TESPA1: variants seen among roughly 807,000 people sequenced by gnomAD.
TESPA1 encodes thymocyte expressed, positive selection associated 1, also known as protein TESPA1.
TESPA1 carries 33 observed loss-of-function variants against 57.9 expected under a neutral mutation model. The observed-to-expected ratio is 0.57, with a 90% CI of 0.43 to 0.76. The LOEUF (loss-of-function observed/expected upper bound fraction) is 0.76. TESPA1 is among the 30% of genes least tolerant of loss of function. TESPA1 has a pLI of 0.00. For missense variants in TESPA1, 618 were observed against 632.9 expected, an observed-to-expected ratio of 0.98 and a Z score of 0.25; for synonymous variants, 227 against 228.9, an observed-to-expected ratio of 0.99 and a Z score of 0.07.
At chr12:54,973,455 C>A in intron 3 of TESPA1, 22 bp downstream of exon 3, 1 of 1,613,920 alleles carries the variant, frequency 6.2e-7, no homozygotes, top group African/African-American at 1.3e-5. Flanking sequence ...ACATACCACC[C>A]CATTGCCTGT....
At chr12:54,967,997 CA>C (rs768575359) in intron 3 of TESPA1, 105 bp from the exon 4 acceptor site, 5 of 1,566,626 alleles carry the variant, frequency 3.2e-6, no homozygotes, top group Non-Finnish European at 3.5e-6. Context: ...CAGTGAGAGT[CA>C]GTAGTATTTA....
At chr12:54,953,470 A>G (rs1455192619) in intron 10 of TESPA1, among the ~76,000 whole-genome samples, 5 of 150,948 alleles carry the variant, frequency 3.3e-5, no homozygotes, top group Non-Finnish European at 7.4e-5. Flanking sequence ...CTCCCTGTTC[A>G]ATGTTGGACA....
intron 10 of TESPA1, among the ~76,000 whole-genome samples, 164 bp from the exon 11 acceptor site, chr12:54,950,554 T>A (rs1950317830): frequency 6.6e-6 from 1 of 152,130 alleles, no homozygotes; most frequent in Non-Finnish European, 1.5e-5. Flanking sequence ...TGACTTGGGG[T>A]TTCTGCTCTT....
chr12:54,959,152 C>T (rs1249607884), intron 10 of TESPA1, among the ~76,000 whole-genome samples: 1 of 152,132 alleles, frequency 6.6e-6, no homozygotes, highest in East Asian at 1.9e-4. Context: ...GTTCCATGGT[C>T]TTATGGTTAG....
At chr12:54,964,788 T>A (rs1188628272) in intron 7 of TESPA1, among the ~76,000 whole-genome samples, 1 of 152,198 alleles carries the variant, frequency 6.6e-6, no homozygotes, top group African/African-American at 2.4e-5. Flanking sequence ...ATCTCCATGG[T>A]CCTAAGTTTC....
rs1360372494 is a variant in TESPA1, at chr12:54,949,508, A to T, written c.*884T>A. On this transcript the variant is annotated 3_prime_UTR_variant, in exon 11 of 11. Coordinates refer to ENST00000449076, the MANE Select transcript of TESPA1 (RefSeq NM_001136030.3). ...TTTTCTCAGGGGAGAAATGTGTCCA[A>T]GATGCTCTGAAACCACATACTGCCT... 6.6e-6 allele frequency: 1 copy of T among 152,126 alleles called. No individual in the cohort carries two copies. The highest frequency in any genetic ancestry group is 2.4e-5 in the African/African-American group (1 of 41,388). The allele number at this position is 152,126 out of a possible 1,614,324, so 9.4% of individuals were successfully genotyped here.
intron 1 of TESPA1, among the ~76,000 whole-genome samples, chr12:54,977,262 G>A (rs1402543818): frequency 6.6e-6 from 1 of 152,040 alleles, no homozygotes; most frequent in Non-Finnish European, 1.5e-5. Context: ...TTGTCTAAAC[G>A]AGTGAATGTT....
chr12:54,966,715 C>T (rs1951459515), intron 5 of TESPA1, among the ~76,000 whole-genome samples: 1 of 152,186 alleles, frequency 6.6e-6, no homozygotes, highest in African/African-American at 2.4e-5. Context: ...GTCATTTGGC[C>T]TTCCTGGCTA....
chr12:54,961,315 G>C, intron 9 of TESPA1, 48 bp from the exon 10 acceptor site: 1 of 1,608,686 alleles, frequency 6.2e-7, no homozygotes, highest in Non-Finnish European at 8.5e-7. Context: ...GGGGGAAAGG[G>C]GGTAAGGAAA....
In TESPA1 at chr12:54,976,912, C is replaced by T. The variant is rs111609907; in HGVS notation, c.-45-2305G>A. ...AAATACTTACCTCTTTTTTTAACCT[C>T]GGTTTTCTCAAATTCTTTCCCTCCT... On this transcript the variant is annotated intron_variant, in intron 1 of 10. Coordinates refer to ENST00000449076, the MANE Select transcript of TESPA1 (RefSeq NM_001136030.3). 4.9e-3 allele frequency among the ~76,000 whole-genome samples: 746 copies of T among 152,064 alleles called. 5 individuals are homozygous for T. The highest frequency in any genetic ancestry group is 0.011 in the African/African-American group (455 of 41,474).
rs1950229709 is a variant in TESPA1 at position 54,949,038 on chromosome 12, G to C, written c.*1354C>G. On this transcript the variant is annotated 3_prime_UTR_variant, in exon 11 of 11. Transcript: ENST00000449076. The stretch of plus-strand genomic sequence containing the variant: ...TGAAATGTTAACATCAAGGAAGATA[G>C]TTCCCCTGTCTCCTGGTTTCTGTGG... The C allele has an allele frequency of 6.6e-6, 1 of 152,194 alleles. No individual in the cohort carries two copies. Among genetic ancestry groups the C allele is most frequent in the African/African-American group, 2.4e-5 (1 of 41,440 alleles). 9.4% of individuals were successfully genotyped at this position (152,194 alleles called of 1,614,324 possible). A position where few individuals can be genotyped will look rare whatever the true frequency, so the allele number is the denominator to read the frequency against.
chr12:54,953,634 CA>C (rs1378479796), intron 10 of TESPA1, among the ~76,000 whole-genome samples: 5 of 151,086 alleles, frequency 3.3e-5, no homozygotes, highest in Non-Finnish European at 5.9e-5. Context: ...TCTCCTGCCT[CA>C]AGCCTCCCGA....
rs577830222 is a variant in TESPA1, at chr12:54,963,707, G to A, written c.655+35C>T. The A allele has an allele frequency of 7.5e-5, 119 of 1,586,726 alleles. 2 individuals are homozygous for A. In the South Asian group the frequency reaches 1.3e-3, roughly 17 times the overall value. ...CCTGCTGTGAAAATCTAAAGGAAAAGGGAAGTAGAGCAGGTGCCTGGGAGG... is the reference window on the plus strand; with the variant it reads ...CCTGCTGTGAAAATCTAAAGGAAAAAGGAAGTAGAGCAGGTGCCTGGGAGG... On this transcript the variant is annotated intron_variant, in intron 8 of 10. Transcript: ENST00000449076.
In TESPA1 at chr12:54,984,432, A is replaced by G. The variant is rs576466408; in HGVS notation, c.-46+153T>C. ...ATCGTTCTCCTAGGCATAATGATGG[A>G]TGCTTTTAAGGTTGAAGTAAGAGTG... On this transcript the variant is annotated intron_variant, in intron 1 of 10. Coordinates refer to ENST00000449076, the MANE Select transcript of TESPA1 (RefSeq NM_001136030.3). 2.6e-3 allele frequency among the ~76,000 whole-genome samples: 401 copies of G among 152,350 alleles called. 1 individual carries two copies. Among genetic ancestry groups the G allele is most frequent in the African/African-American group, 9.4e-3 (390 of 41,568 alleles).
At chr12:54,970,040 C>T (rs75952957) in intron 3 of TESPA1, among the ~76,000 whole-genome samples, 1 of 152,192 alleles carries the variant, frequency 6.6e-6, no homozygotes, top group Non-Finnish European at 1.5e-5. Context: ...GAGCCTCCTG[C>T]CTCAATCTCC....
rs573064059 is a variant in TESPA1, at chr12:54,956,469, A to T, written c.*1+4699T>A. ...GTGTGATAAAGGTCAAGTGGTTTAA[A>T]TGTCAACACAGGAAACCAATAGAAA... On this transcript the variant is annotated intron_variant, in intron 10 of 10. Transcript: ENST00000449076. 3.3e-5 allele frequency among the ~76,000 whole-genome samples: 5 copies of T among 152,352 alleles called. No individual in the cohort carries two copies. The East Asian group carries it at 9.7e-4, about 29-fold the overall frequency.
At chr12:54,980,613 G>GGGCTGGTCAT (rs1171623839) in intron 1 of TESPA1, among the ~76,000 whole-genome samples, 3 of 152,168 alleles carry the variant, frequency 2.0e-5, no homozygotes, top group Non-Finnish European at 2.9e-5. Context: ...TGGGATAGCT[G>GGGCTGGTCAT]GGCTGGTCAT....
chr12:54,962,496 C>A lies in TESPA1; in HGVS notation c.1402G>T (p.Val468Leu), dbSNP rs778697620. The stretch of plus-strand genomic sequence containing the variant: ...GACCGACGCAGTTCTGGTCTGTCTA[C>A]ACTCTGCTTCCATTTCTGCTGGGTG... ...SITQQKWKQS[V>L]DRPELRRSLS... The change falls in exon 9 of 11, where the codon GTA becomes TTA. Residue 468 changes from valine (V) to leucine (L), a missense_variant. By Grantham distance (32) the Val-to-Leu change is conservative. Coordinates refer to ENST00000449076, the MANE Select transcript of TESPA1 (RefSeq NM_001136030.3). 2.5e-6 allele frequency: 4 copies of A among 1,613,344 alleles called. No homozygotes were observed. Among genetic ancestry groups the A allele is most frequent in the Non-Finnish European group, 3.4e-6 (4 of 1,179,896 alleles).
chr12:54,961,400 G>A, intron 9 of TESPA1, 133 bp from the exon 10 acceptor site: 3 of 912,890 alleles, frequency 3.3e-6, no homozygotes, highest in Middle Eastern at 2.7e-4. Flanking sequence ...TGGTGTCAGG[G>A]ACACAGTAAT....
Sources: allele counts gnomAD v4.1 joint callset (sites outside exome capture counted in the v4.1 genomes callset), GRCh38; gene constraint gnomAD v4.1.1; transcripts MANE v1.5; gene names NCBI Gene and HGNC (gene_info 2026-07-23, HGNC 2026-07-21).